Variants in TCN2 observed in about 807,000 individuals in gnomAD.
TCN2 encodes transcobalamin 2, also known as transcobalamin-2.
In TCN2, 34 loss-of-function variants were observed where a neutral mutation model predicts 48.6. The ratio of observed to expected loss-of-function variants is 0.70; its 90% CI spans 0.53 to 0.93. The LOEUF is 0.93. TCN2 is among the 40% of genes least tolerant of loss of function. The pLI, the probability that TCN2 is intolerant of heterozygous loss-of-function variation, is 0.00. For missense variants in TCN2, 652 were observed against 526.1 expected (o/e 1.24, Z -2.34); for synonymous variants, 283 against 212.5 (o/e 1.33, Z -2.89).
intron 8 of TCN2, among the ~76,000 whole-genome samples, chr22:30,623,456 G>T (rs2087728838): frequency 6.6e-6 from 1 of 151,854 alleles, no homozygotes; most frequent in African/African-American, 2.4e-5. Flanking sequence ...GGGTTCATGT[G>T]ATTCTTCCAC....
intron 1 of TCN2, 144 bp from the exon 2 acceptor site, chr22:30,610,727 C>G (rs1602043249): frequency 2.5e-6 from 2 of 794,238 alleles, no homozygotes; most frequent in Non-Finnish European, 2.1e-6. Flanking sequence ...AGTATGGCTG[C>G]ATTTCCCCCT....
chr22:30,626,365 A>C, intron 8 of TCN2, 95 bp from the exon 9 acceptor site: 1 of 1,352,204 alleles, frequency 7.4e-7, no homozygotes, highest in Admixed American at 1.8e-5. Flanking sequence ...GGATTCTTAC[A>C]GACTCTAGCC....
Position 30,626,771 on chromosome 22 carries a change from T to A in TCN2, c.*250T>A, listed in dbSNP as rs1323293811. The A allele has an allele frequency of 3.4e-6, 2 of 590,320 alleles. No individual in the cohort carries two copies. Among genetic ancestry groups the A allele is most frequent in the Non-Finnish European group, 6.1e-6 (2 of 329,674 alleles). 36.6% of individuals were successfully genotyped at this position (590,320 alleles called of 1,614,324 possible). ...AGTCTGGCCAGCCTGGCCCTGCAGG[T>A]CTCCCATGAAGGCCACCCCATGGTC... On this transcript the variant is annotated 3_prime_UTR_variant, in exon 9 of 9. Transcript: ENST00000215838.
At position 30,623,922 on chromosome 22, in the gene TCN2, ATATG is replaced by A. The variant is rs1420966417; in HGVS notation, c.1222+843_1222+846del. 7.9e-4 allele frequency among the ~76,000 whole-genome samples: 26 copies of A among 32,838 alleles called. 2 individuals are homozygous for A. Among genetic ancestry groups the A allele is most frequent in the East Asian group, 1.6e-3 (4 of 2,572 alleles). 21.5% of individuals were successfully genotyped at this position (32,838 alleles called of 152,430 possible). A position where few individuals can be genotyped will look rare whatever the true frequency, so the allele number is the denominator to read the frequency against. On this transcript the variant is annotated intron_variant, in intron 8 of 8. Transcript: ENST00000215838. ...TGTATACATATATATACACACATAT[ATATG>A]TATACATATATACACACACACATAT... is the stretch of plus-strand genomic sequence containing the variant.
chr22:30,613,413 G>C (rs1260238475), intron 3 of TCN2, among the ~76,000 whole-genome samples: 1 of 152,156 alleles, frequency 6.6e-6, no homozygotes, highest in African/African-American at 2.4e-5. Flanking sequence ...CTGAGTAGCT[G>C]GGATTACAGG....
chr22:30,610,537 G>A lies in TCN2; in HGVS notation c.65-334G>A, dbSNP rs541778095. Among the ~76,000 whole-genome samples the A allele has an allele frequency of 1.6e-4, 24 of 152,350 alleles. 1 individual carries two copies. The South Asian group carries it at 4.6e-3, about 29-fold the overall frequency. On this transcript the variant is annotated intron_variant, in intron 1 of 8. Coordinates refer to ENST00000215838, the MANE Select transcript of TCN2 (RefSeq NM_000355.4). ...TATCTACATCACAGGACTGGCATGA[G>A]GACCAAGTGAGATTGGGCAAGGTGC...
At position 30,618,095 on chromosome 22, in the gene TCN2, G is replaced by A. The variant is rs1010972870; in HGVS notation, c.1106+600G>A. ...CAAATAGCTGAGACTATAGGCACGT[G>A]CCACACAACCCTGGGTAATTTTTTT... On this transcript the variant is annotated intron_variant, in intron 7 of 8. Coordinates refer to ENST00000215838, the MANE Select transcript of TCN2 (RefSeq NM_000355.4). 2.0e-5 allele frequency among the ~76,000 whole-genome samples: 3 copies of A among 147,830 alleles called. No homozygotes were observed. In the Admixed American group the frequency reaches 2.1e-4, roughly 10 times the overall value.
chr22:30,616,196 G>A (rs1372179764), intron 6 of TCN2, among the ~76,000 whole-genome samples: 3 of 152,140 alleles, frequency 2.0e-5, no homozygotes, highest in African/African-American at 7.2e-5. Flanking sequence ...TAAGAATGGA[G>A]AAAGAGGCCA....
chr22:30,619,971 TAGTG>T (rs944503012), intron 7 of TCN2, among the ~76,000 whole-genome samples: 1 of 152,166 alleles, frequency 6.6e-6, no homozygotes, highest in South Asian at 2.1e-4. Flanking sequence ...CTGGGCAACA[TAGTG>T]AGACTGCCAT....
At position 30,607,408 on chromosome 22, in the gene TCN2, C is replaced by T. The variant is rs370228236; in HGVS notation, c.64+13C>T. On this transcript the variant is annotated intron_variant, in intron 1 of 8. Coordinates refer to ENST00000215838, the MANE Select transcript of TCN2 (RefSeq NM_000355.4). ...ACTGAGATGTGTGGTGAGTAACTCG[C>T]CTCTATCCTGTGCCTCTTTCCTCCT... is the stretch of plus-strand genomic sequence containing the variant. 7.4e-6 allele frequency: 12 copies of T among 1,614,012 alleles called. No homozygotes were observed. In the African/African-American group the frequency reaches 1.3e-4, roughly 18 times the overall value.
intron 8 of TCN2, among the ~76,000 whole-genome samples, chr22:30,626,001 A>T (rs939267016): frequency 2.0e-5 from 3 of 152,102 alleles, no homozygotes; most frequent in African/African-American, 7.2e-5. Context: ...CACATCACCA[A>T]CAAGAGCAGC....
At chr22:30,624,663 A>G (rs2087777310) in intron 8 of TCN2, among the ~76,000 whole-genome samples, 1 of 152,226 alleles carries the variant, frequency 6.6e-6, no homozygotes. Context: ...GGACCCAGCC[A>G]GGAAGCAGAC....
At chr22:30,610,757 G>C (rs2145536286) in intron 1 of TCN2, 114 bp from the exon 2 acceptor site, 1 of 1,085,236 alleles carries the variant, frequency 9.2e-7, no homozygotes, top group Admixed American at 1.9e-5. Flanking sequence ...TGTGTGCTGG[G>C]TGGAGGTGGG....
intron 8 of TCN2, among the ~76,000 whole-genome samples, chr22:30,623,983 TACATATATACACAC>T (rs2087760594): frequency 8.6e-6 from 1 of 116,132 alleles, no homozygotes; most frequent in Non-Finnish European, 1.8e-5. Context: ...TATATATGTA[TACATATATACACAC>T]ATATATATGT....
chr22:30,623,799 C>CATATAT lies in TCN2; in HGVS notation c.1222+717_1222+718insTATATA, dbSNP rs1555896205. 7.1e-3 allele frequency among the ~76,000 whole-genome samples: 23 copies of CATATAT among 3,244 alleles called. 6 individuals carry two copies. Among genetic ancestry groups the CATATAT allele is most frequent in the East Asian group, 0.029 (2 of 68 alleles). 2.1% of individuals were successfully genotyped at this position (3,244 alleles called of 152,430 possible). ...ACATATATATGTATACATATATACACACATACACATATATACACACACATA... is the reference window on the plus strand; with the variant it reads ...ACATATATATGTATACATATATACACATATATACATACACATATATACACACACATA... On this transcript the variant is annotated intron_variant, in intron 8 of 8. Transcript: ENST00000215838.
At chr22:30,624,373 C>T (rs2087771963) in intron 8 of TCN2, among the ~76,000 whole-genome samples, 1 of 151,978 alleles carries the variant, frequency 6.6e-6, no homozygotes, top group African/African-American at 2.4e-5. Flanking sequence ...CACGCCTGGC[C>T]TGCAAACAGA....
At position 30,616,893 on chromosome 22, in the gene TCN2, T is replaced by C. The variant is rs375591200; in HGVS notation, c.941-437T>C. Among the ~76,000 whole-genome samples, 140 of 152,208 alleles carry C rather than the reference T, an allele frequency of 9.2e-4. 1 individual carries two copies. The South Asian group carries it at 0.028, about 31-fold the overall frequency. ...CAGAGTTTGGGGGAATTTTGAGGAA[T>C]GGTCTTGCAAAAGAGTGGGATCTGG... is the stretch of plus-strand genomic sequence containing the variant. On this transcript the variant is annotated intron_variant, in intron 6 of 8. Transcript: ENST00000215838.
rs557919856 is a variant in TCN2 at position 30,619,282 on chromosome 22, G to A, written c.1106+1787G>A. On this transcript the variant is annotated intron_variant, in intron 7 of 8. Coordinates refer to ENST00000215838, the MANE Select transcript of TCN2 (RefSeq NM_000355.4). Reference sequence around the variant, plus strand: ...TTTTGTAGACATGGGATTGCTTCATGTTGCCCAGACTGGTCTCAAACTCCT... The same window carrying A: ...TTTTGTAGACATGGGATTGCTTCATATTGCCCAGACTGGTCTCAAACTCCT... Among the ~76,000 whole-genome samples the A allele has an allele frequency of 1.2e-3, 186 of 152,150 alleles. 1 individual carries two copies. Among genetic ancestry groups the A allele is most frequent in the African/African-American group, 4.0e-3 (168 of 41,506 alleles).
chr22:30,615,717 C>T lies in TCN2; in HGVS notation c.870C>T (p.Ser290=), dbSNP rs2087603601. The T allele has an allele frequency of 1.9e-6, 3 of 1,614,222 alleles. No homozygotes were observed. Among genetic ancestry groups the T allele is most frequent in the Non-Finnish European group, 2.5e-6 (3 of 1,180,050 alleles). Residue 290 remains serine (S), a synonymous_variant, in exon 6 of 9, where the codon TCC becomes TCT. Coordinates refer to ENST00000215838, the MANE Select transcript of TCN2 (RefSeq NM_000355.4). The part of the protein sequence containing the change: ...DGAFQNALMI[S]QLLPVLNHKT... ...CCTTCCAGAATGCTCTCATGATTTC[C>T]CAGCTGCTGCCCGTTCTGAACCACA...
Sources: gnomAD v4.1 joint callset for allele counts (sites outside exome capture counted in the v4.1 genomes callset) on GRCh38, gnomAD v4.1.1 for gene constraint, MANE v1.5 for transcripts, NCBI Gene and HGNC (gene_info 2026-07-23, HGNC 2026-07-21) for gene names.